GRM8: variants seen among roughly 807,000 people sequenced by gnomAD.
The protein encoded by GRM8 is metabotropic glutamate receptor 8.
GRM8 carries 47 observed loss-of-function variants against 87.2 expected under a neutral mutation model. That is an observed-to-expected ratio of 0.54 (90% CI 0.43 to 0.69). The LOEUF is 0.69. Ranked by LOEUF, GRM8 falls within the 30% of genes least tolerant of loss-of-function variation. The probability of loss-of-function intolerance (pLI) is 0.00; values close to 1 mark genes in which losing one functional copy is unlikely to be tolerated. For missense variants in GRM8, 1,019 were observed against 1,139.2 expected (o/e 0.89, Z 1.52); for synonymous variants, 396 against 404.5 (o/e 0.98, Z 0.25).
chr7:126,627,346 C>T (rs1169460640), intron 7 of GRM8, among the ~76,000 whole-genome samples: 2 of 152,220 alleles, frequency 1.3e-5, no homozygotes, highest in East Asian at 3.8e-4. Context: ...TCCCACAAGG[C>T]ACAGGACAGT....
At chr7:127,153,447 T>C (rs931647396) in intron 2 of GRM8, among the ~76,000 whole-genome samples, 3 of 152,248 alleles carry the variant, frequency 2.0e-5, no homozygotes, top group Admixed American at 2.0e-4. Flanking sequence ...GCCTATAGGC[T>C]GAAAGGTCTG....
intron 10 of GRM8, among the ~76,000 whole-genome samples, chr7:126,444,832 T>C (rs1801833390): frequency 6.6e-6 from 1 of 151,956 alleles, no homozygotes; most frequent in Non-Finnish European, 1.5e-5. Flanking sequence ...AGGAAGAGAA[T>C]ATTTTTGCAT....
chr7:126,917,373 CCACACACA>C (rs71312846), intron 3 of GRM8, among the ~76,000 whole-genome samples: 1 of 148,072 alleles, frequency 6.8e-6, no homozygotes, highest in South Asian at 2.1e-4. Context: ...CCTCCTCCAA[CCACACACA>C]CACACACACA....
At chr7:127,082,339 G>T (rs1057286968) in intron 3 of GRM8, among the ~76,000 whole-genome samples, 5 of 152,022 alleles carry the variant, frequency 3.3e-5, no homozygotes, top group African/African-American at 1.2e-4. Context: ...TGGATTCAGG[G>T]GTGGGCTTCC....
chr7:126,794,696 C>T (rs1821767330), intron 6 of GRM8, among the ~76,000 whole-genome samples: 1 of 152,088 alleles, frequency 6.6e-6, no homozygotes, highest in Non-Finnish European at 1.5e-5. Flanking sequence ...TTAATATGCC[C>T]TAAAACGGTG....
intron 3 of GRM8, among the ~76,000 whole-genome samples, chr7:126,957,079 A>T (rs890735639): frequency 6.6e-6 from 1 of 152,190 alleles, no homozygotes; most frequent in Non-Finnish European, 1.5e-5. Context: ...CTGGAGCCTA[A>T]TAAAGTTAGA....
At chr7:127,123,059 T>A (rs1827173685) in intron 2 of GRM8, among the ~76,000 whole-genome samples, 1 of 152,096 alleles carries the variant, frequency 6.6e-6, no homozygotes, top group Non-Finnish European at 1.5e-5. Flanking sequence ...GAAGTCACTG[T>A]TTTCCCTCCA....
chr7:126,974,562 T>A (rs925693455), intron 3 of GRM8, among the ~76,000 whole-genome samples: 2 of 152,116 alleles, frequency 1.3e-5, no homozygotes, highest in African/African-American at 2.4e-5. Context: ...ATACTGGAAC[T>A]GATGAAATAA....
intron 7 of GRM8, among the ~76,000 whole-genome samples, chr7:126,712,320 G>T (rs1225482684): frequency 6.6e-6 from 1 of 152,116 alleles, no homozygotes; most frequent in Non-Finnish European, 1.5e-5. Context: ...TATAGATGAG[G>T]TTTATAATGC....
chr7:127,103,274 T>C (rs1453285261), intron 3 of GRM8, among the ~76,000 whole-genome samples: 5 of 152,208 alleles, frequency 3.3e-5, no homozygotes, highest in African/African-American at 1.2e-4. Flanking sequence ...AAATCTCATG[T>C]CGAAATGTCA....
At chr7:126,926,250 A>G (rs570573940) in intron 3 of GRM8, among the ~76,000 whole-genome samples, 14 of 152,332 alleles carry the variant, frequency 9.2e-5, no homozygotes, top group Middle Eastern at 3.4e-3. Context: ...GAAATGTAAA[A>G]GACTATAGAT....
At chr7:127,184,202 A>G (rs553768568) in intron 2 of GRM8, among the ~76,000 whole-genome samples, 30 of 152,034 alleles carry the variant, frequency 2.0e-4, no homozygotes, top group Middle Eastern at 3.4e-3. Context: ...ATATTACAAG[A>G]AAGGAAAACT....
intron 8 of GRM8, among the ~76,000 whole-genome samples, chr7:126,596,165 T>C (rs76900503): frequency 0.024 from 3,714 of 152,264 alleles, 142 homozygotes; most frequent in African/African-American, 0.085. Context: ...CCTTTGGGTA[T>C]ATACGCCAGT....
chr7:126,746,193 T>C (rs1335185400), intron 7 of GRM8, among the ~76,000 whole-genome samples: 2 of 151,924 alleles, frequency 1.3e-5, no homozygotes, highest in Admixed American at 1.3e-4. Context: ...TCCTGTGAAT[T>C]AGACAAAAAT....
At chr7:126,598,344 C>T (rs1474032197) in intron 8 of GRM8, among the ~76,000 whole-genome samples, 3 of 152,042 alleles carry the variant, frequency 2.0e-5, no homozygotes, top group Non-Finnish European at 4.4e-5. Context: ...TAACTGAATT[C>T]AGCTTCTCAA....
chr7:126,944,743 A>T (rs1401779106), intron 3 of GRM8, among the ~76,000 whole-genome samples: 1 of 152,212 alleles, frequency 6.6e-6, no homozygotes, highest in Non-Finnish European at 1.5e-5. Flanking sequence ...ACAGATAACT[A>T]GTCTCCAAAA....
intron 6 of GRM8, among the ~76,000 whole-genome samples, chr7:126,853,988 G>T (rs965068127): frequency 6.6e-6 from 1 of 152,184 alleles, no homozygotes; most frequent in Non-Finnish European, 1.5e-5. Flanking sequence ...CTGGAAGGAG[G>T]CTCACAGCTG....
chr7:126,533,866 G>A lies in GRM8; in HGVS notation c.1516C>T (p.His506Tyr), dbSNP rs1815253736. 4 of 1,613,160 alleles carry A rather than the reference G, an allele frequency of 2.5e-6. No homozygotes were observed. The highest frequency in any genetic ancestry group is 2.7e-5 in the African/African-American group (2 of 74,888). Residue 506 changes from histidine to tyrosine, a missense_variant, in exon 9 of 11, where the codon CAT (histidine) becomes TAT (tyrosine). By Grantham distance (83) the His-to-Tyr change is moderately conservative. Transcript: ENST00000339582. ...HLKVEDMQWA[H>Y]REHTHPASVC... ...GACGCCGGGTGAGTATGTTCTCTAT[G>A]AGCCCACTGCATGTCTTCCACCTGT... is the stretch of plus-strand genomic sequence containing the variant.
At chr7:126,718,934 T>C (rs971075634) in intron 7 of GRM8, among the ~76,000 whole-genome samples, 2 of 152,256 alleles carry the variant, frequency 1.3e-5, no homozygotes, top group African/African-American at 4.8e-5. Flanking sequence ...TTAGGGTCTG[T>C]ACCATTATCT....
Sources: gnomAD v4.1 joint callset for allele counts (sites outside exome capture counted in the v4.1 genomes callset) on GRCh38, gnomAD v4.1.1 for gene constraint, MANE v1.5 for transcripts, NCBI Gene and HGNC (gene_info 2026-07-23, HGNC 2026-07-21) for gene names.